The following CEMIP2 variants were observed in gnomAD, a reference collection of about 807,000 sequenced individuals.
CEMIP2 encodes the protein cell surface hyaluronidase CEMIP2.
CEMIP2 carries 79 observed loss-of-function variants against 146.9 expected under a neutral mutation model. The observed-to-expected ratio is 0.54, with a 90% CI of 0.45 to 0.65. CEMIP2 has a LOEUF of 0.65. Among genes scored for constraint, CEMIP2 ranks in the 30% least tolerant of loss-of-function variants. The pLI is 0.00. For missense variants in CEMIP2, 1,596 were observed against 1,696.2 expected (o/e 0.94, Z 1.04); for synonymous variants, 601 against 606.3 (o/e 0.99, Z 0.13).
chr9:71,703,956 T>G (rs536548966), intron 18 of CEMIP2, among the ~76,000 whole-genome samples: 84 of 152,358 alleles, frequency 5.5e-4, no homozygotes, highest in Non-Finnish European at 9.7e-4. Flanking sequence ...TTGAGTTTTT[T>G]CTACCTGTCT....
chr9:71,688,803 T>C (rs1295730261), intron 22 of CEMIP2, among the ~76,000 whole-genome samples: 1 of 152,138 alleles, frequency 6.6e-6, no homozygotes, highest in Non-Finnish European at 1.5e-5. Context: ...CATAAGATCA[T>C]TTACAGGTCA....
intron 21 of CEMIP2, among the ~76,000 whole-genome samples, chr9:71,690,784 A>G (rs1050506407): frequency 3.9e-5 from 6 of 152,244 alleles, no homozygotes; most frequent in African/African-American, 7.2e-5. Context: ...TGATAATTTT[A>G]CCGGAATTTA....
At chr9:71,732,640 C>T in intron 6 of CEMIP2, 120 bp from the exon 7 acceptor site, 3 of 788,026 alleles carry the variant, frequency 3.8e-6, no homozygotes, top group Non-Finnish European at 5.2e-6. Flanking sequence ...TTATCATCTG[C>T]TCCCATTCTC....
intron 21 of CEMIP2, 105 bp downstream of exon 21, chr9:71,694,404 T>G: frequency 5.5e-5 from 45 of 825,230 alleles, no homozygotes; most frequent in Non-Finnish European, 8.0e-5. Context: ...ATCACAGGTG[T>G]GAGCCACCGC....
intron 3 of CEMIP2, among the ~76,000 whole-genome samples, chr9:71,745,991 C>T (rs915259883): frequency 6.6e-6 from 1 of 152,238 alleles, no homozygotes; most frequent in Middle Eastern, 3.4e-3. Context: ...TGAGTGATAC[C>T]TAAGGTCTAA....
chr9:71,718,927 C>A (rs968138569), intron 12 of CEMIP2, among the ~76,000 whole-genome samples: 3 of 152,068 alleles, frequency 2.0e-5, no homozygotes, highest in African/African-American at 7.2e-5. Context: ...TTCACCTTTT[C>A]TTTTTCTTCT....
intron 1 of CEMIP2, among the ~76,000 whole-genome samples, chr9:71,761,726 T>C (rs1305971770): frequency 6.6e-6 from 1 of 152,098 alleles, no homozygotes; most frequent in African/African-American, 2.4e-5. Context: ...TAAACATGGT[T>C]CCTACATTCA....
rs1310285418 is a variant in CEMIP2, at chr9:71,684,267, A to G, written c.*930T>C. On this transcript the variant is annotated 3_prime_UTR_variant, in exon 24 of 24. Transcript: ENST00000377044. ...TGAACAGAAAAGCTTTAAAAAATCC[A>G]CACAAAACAATAACAAAAAACCCAA... 2 of 152,212 alleles carry G rather than the reference A, an allele frequency of 1.3e-5. No individual in the cohort carries two copies. The highest frequency in any genetic ancestry group is 6.5e-5 in the Admixed American group (1 of 15,278). The allele number at this position is 152,212 out of a possible 1,614,324, so 9.4% of individuals were successfully genotyped here.
At chr9:71,725,781 ACTT>A in intron 10 of CEMIP2, 72 bp from the exon 11 acceptor site, 1 of 1,476,480 alleles carries the variant, frequency 6.8e-7, no homozygotes, top group Non-Finnish European at 9.0e-7. Flanking sequence ...TCATAAACTA[ACTT>A]CTTCATCAGC....
At position 71,750,378 on chromosome 9, in the gene CEMIP2, C is replaced by T; in HGVS notation, c.-5G>A. 1.9e-6 allele frequency: 3 copies of T among 1,581,302 alleles called. No homozygotes were observed. Among genetic ancestry groups the T allele is most frequent in the Non-Finnish European group, 2.6e-6 (3 of 1,166,350 alleles). On this transcript the variant is annotated 5_prime_UTR_variant, in exon 2 of 24. Transcript: ENST00000377044. ...CCTGGAATCAGTGGCATACATGATACACTGTTACTGTGAAAAGAAAAAAAA... is the reference window on the plus strand; with the variant it reads ...CCTGGAATCAGTGGCATACATGATATACTGTTACTGTGAAAAGAAAAAAAA...
chr9:71,740,023 T>A, intron 5 of CEMIP2, 40 bp downstream of exon 5: 6 of 1,574,878 alleles, frequency 3.8e-6, no homozygotes, highest in Non-Finnish European at 5.2e-6. Flanking sequence ...GTCATAATAC[T>A]TATCAGTGTC....
At chr9:71,699,525 C>T (rs1822498539) in intron 19 of CEMIP2, 3 of 382,300 alleles carry the variant, frequency 7.8e-6, no homozygotes, top group South Asian at 4.0e-5. Context: ...GACAATAAAA[C>T]TTTTAAGCTG....
chr9:71,691,004 T>C (rs1822210540), intron 21 of CEMIP2, among the ~76,000 whole-genome samples: 1 of 152,172 alleles, frequency 6.6e-6, no homozygotes, highest in Non-Finnish European at 1.5e-5. Context: ...GTTTATAAGG[T>C]GTAAAATTAT....
chr9:71,707,554 G>T (rs73477424), intron 17 of CEMIP2, among the ~76,000 whole-genome samples: 2 of 152,130 alleles, frequency 1.3e-5, no homozygotes, highest in African/African-American at 4.8e-5. Flanking sequence ...GAACAAAGAA[G>T]AATTCTGATC....
chr9:71,740,335 T>C, intron 4 of CEMIP2, 103 bp from the exon 5 acceptor site: 1 of 1,379,572 alleles, frequency 7.2e-7, no homozygotes, highest in Non-Finnish European at 9.9e-7. Context: ...TCATATTTCA[T>C]TTTCGTCAAT....
intron 2 of CEMIP2, among the ~76,000 whole-genome samples, chr9:71,748,404 T>C (rs1003326377): frequency 6.6e-6 from 1 of 152,186 alleles, no homozygotes; most frequent in East Asian, 1.9e-4. Context: ...CCCTGAAATA[T>C]TTCAGCATAC....
In CEMIP2 at chr9:71,685,277, C is replaced by T; in HGVS notation, c.4072G>A (p.Asp1358Asn). The change falls in exon 24 of 24, where the codon GAC (aspartate) becomes AAC (asparagine). Residue 1358 changes from aspartate to asparagine, a missense_variant. Coordinates refer to ENST00000377044, the MANE Select transcript of CEMIP2 (RefSeq NM_013390.3). Reference protein sequence around the residue: ...VLEQFIPLQLDEYGCPRATTV... With the variant: ...VLEQFIPLQLNEYGCPRATTV... ...GTGGCTCTGGGACAACCATATTCGT[C>T]CAGCTGCAAAGGTATGAATTGTTCA... 1 of 1,613,422 alleles carries T rather than the reference C, an allele frequency of 6.2e-7. No individual in the cohort carries two copies. The highest frequency in any genetic ancestry group is 8.5e-7 in the Non-Finnish European group (1 of 1,179,906).
intron 17 of CEMIP2, among the ~76,000 whole-genome samples, chr9:71,707,658 C>A (rs1311574651): frequency 6.6e-6 from 1 of 152,178 alleles, no homozygotes; most frequent in Non-Finnish European, 1.5e-5. Context: ...GAAAACACAC[C>A]TTTGACCGGC....
At chr9:71,722,378 T>G in intron 12 of CEMIP2, 49 bp downstream of exon 12, 1 of 1,440,316 alleles carries the variant, frequency 6.9e-7, no homozygotes, top group Non-Finnish European at 9.6e-7. Context: ...TAGAAAGTTT[T>G]GCTTTGGCAA....
Sources: allele counts gnomAD v4.1 joint callset (sites outside exome capture counted in the v4.1 genomes callset), GRCh38; gene constraint gnomAD v4.1.1; transcripts MANE v1.5; gene names NCBI Gene and HGNC (gene_info 2026-07-23, HGNC 2026-07-21).